APBB2: variants seen among roughly 807,000 people sequenced by gnomAD.
APBB2 encodes amyloid beta precursor protein binding family B member 2, also known as Fe65-like 1.
In APBB2, 38 loss-of-function variants were observed where a neutral mutation model predicts 82.5. That is an observed-to-expected ratio of 0.46 (90% CI 0.36 to 0.60). APBB2 has a LOEUF of 0.60. Ranked by LOEUF, APBB2 falls within the 20% of genes least tolerant of loss-of-function variation. The probability of loss-of-function intolerance (pLI) is 0.00; values close to 1 mark genes in which losing one functional copy is unlikely to be tolerated. For missense variants in APBB2, 772 were observed against 972.3 expected (o/e 0.79, Z 2.74); for synonymous variants, 341 against 368.2 (o/e 0.93, Z 0.85).
chr4:40,815,730 TG>T lies in APBB2; in HGVS notation c.*361del, dbSNP rs1745415340. 3.4e-5 allele frequency: 7 copies of T among 207,138 alleles called. No homozygotes were observed. The East Asian group carries it at 7.1e-4, about 21-fold the overall frequency. 12.8% of individuals were successfully genotyped at this position (207,138 alleles called of 1,614,324 possible). A position where few individuals can be genotyped will look rare whatever the true frequency, so the allele number is the denominator to read the frequency against. On this transcript the variant is annotated 3_prime_UTR_variant, in exon 18 of 18. Transcript: ENST00000508593. ...GTGACAGGTCCAGCCAAGAAGACAG[TG>T]AAACTAACTCACGCATCATTCATTC...
intron 1 of APBB2, among the ~76,000 whole-genome samples, chr4:41,211,641 C>G (rs1779346745): frequency 6.6e-6 from 1 of 152,092 alleles, no homozygotes; most frequent in South Asian, 2.1e-4. Context: ...AGCCACCACA[C>G]CCGGCTAATT....
intron 1 of APBB2, among the ~76,000 whole-genome samples, chr4:41,164,228 C>T (rs1765904929): frequency 6.6e-6 from 1 of 152,186 alleles, no homozygotes; most frequent in Non-Finnish European, 1.5e-5. Flanking sequence ...CACAACCCGT[C>T]ACATGAGGTC....
intron 8 of APBB2, 96 bp from the exon 9 acceptor site, chr4:40,934,795 C>G (rs567846197): frequency 3.0e-5 from 28 of 918,044 alleles, no homozygotes; most frequent in Non-Finnish European, 4.3e-5. Flanking sequence ...CAGCAAGAGG[C>G]AGAGAGTGTA....
rs1342174133 is a variant in APBB2, at chr4:41,096,595, A to G, written c.-149+4044T>C. 3.3e-5 allele frequency among the ~76,000 whole-genome samples: 5 copies of G among 152,354 alleles called. No individual in the cohort carries two copies. The East Asian group carries it at 9.6e-4, about 29-fold the overall frequency. On this transcript the variant is annotated intron_variant, in intron 3 of 17. Transcript: ENST00000508593. ...TCAAAACCACTCTCTACATTTACCA[A>G]TTAAACATTTGTAATTTGTTTAACT...
chr4:41,208,729 A>G (rs116090880), intron 1 of APBB2, among the ~76,000 whole-genome samples: 1,941 of 152,292 alleles, frequency 0.013, 42 homozygotes, highest in African/African-American at 0.044. Context: ...GAACTGGTAA[A>G]CTTTGTTTAT....
chr4:40,968,062 A>G (rs1795088563), intron 6 of APBB2, among the ~76,000 whole-genome samples: 1 of 152,194 alleles, frequency 6.6e-6, no homozygotes, highest in Admixed American at 6.5e-5. Flanking sequence ...CCACACTAAC[A>G]TTTACTGAAG....
At position 40,832,810 on chromosome 4, in the gene APBB2, A is replaced by T. The variant is rs1752487581; in HGVS notation, c.1530-2233T>A. 6.6e-6 allele frequency among the ~76,000 whole-genome samples: 1 copy of T among 152,130 alleles called. No homozygotes were observed. The highest frequency in any genetic ancestry group is 6.5e-5 in the Admixed American group (1 of 15,276). The stretch of plus-strand genomic sequence containing the variant: ...AAGACGACTGTGCCTAACTCATCCC[A>T]GCGTCTAGTTCAGGCCTGGCGTATC... On this transcript the variant is annotated intron_variant, in intron 12 of 17. Transcript: ENST00000508593. This position sits in a 1 kb window ranked among gnomAD's most constrained non-coding sequence, Gnocchi z 4.8.
intron 6 of APBB2, among the ~76,000 whole-genome samples, chr4:40,992,368 G>GGA (rs1553899666): frequency 2.7e-5 from 4 of 145,994 alleles, no homozygotes; most frequent in African/African-American, 1.0e-4. Flanking sequence ...AGATGGGGGG[G>GGA]GGTCTTTCTA....
At chr4:41,194,219 G>C in intron 1 of APBB2, 2 of 152,204 alleles carry the variant, frequency 1.3e-5, no homozygotes, top group Non-Finnish European at 2.9e-5. Context: ...TTACTCCGGG[G>C]GCTGAGGCAG....
Position 40,860,982 on chromosome 4 carries a change from C to T in APBB2, c.1529+29382G>A, listed in dbSNP as rs115635783. 3.4e-3 allele frequency among the ~76,000 whole-genome samples: 517 copies of T among 152,240 alleles called. 4 individuals carry two copies. The highest frequency in any genetic ancestry group is 0.011 in the African/African-American group (469 of 41,522). On this transcript the variant is annotated intron_variant, in intron 12 of 17. Transcript: ENST00000508593. ...GTTCTCTGGCCCATCACTTTGCTTT[C>T]GAAGCATTAAGTAGTAATAAAATGT...
At chr4:41,116,341 C>A (rs1445233655) in intron 2 of APBB2, among the ~76,000 whole-genome samples, 1 of 152,120 alleles carries the variant, frequency 6.6e-6, no homozygotes, top group Non-Finnish European at 1.5e-5. Flanking sequence ...GGAGGGACAG[C>A]ATTAGGAGAA....
intron 1 of APBB2, among the ~76,000 whole-genome samples, chr4:41,188,521 C>A (rs955537213): frequency 2.0e-5 from 3 of 152,164 alleles, no homozygotes; most frequent in Admixed American, 2.0e-4. Context: ...CCCTTTTCTG[C>A]CATGTGAGGA....
At chr4:41,125,035 T>C (rs933717946) in intron 2 of APBB2, among the ~76,000 whole-genome samples, 3 of 152,238 alleles carry the variant, frequency 2.0e-5, no homozygotes, top group Non-Finnish European at 2.9e-5. Context: ...TGCCTACACT[T>C]TCCTTTTAAG....
chr4:40,835,475 C>T (rs180949644), intron 12 of APBB2, among the ~76,000 whole-genome samples: 1 of 152,268 alleles, frequency 6.6e-6, no homozygotes, highest in Admixed American at 6.5e-5. Context: ...CAGCAGACAG[C>T]TCAAAGAACA....
At chr4:41,012,018 G>A (rs537097578) in intron 6 of APBB2, among the ~76,000 whole-genome samples, 6 of 152,076 alleles carry the variant, frequency 3.9e-5, no homozygotes, top group South Asian at 2.1e-4. Flanking sequence ...ACATGCCACC[G>A]TCCACCATGC....
At chr4:40,878,319 C>T (rs368757831) in intron 12 of APBB2, among the ~76,000 whole-genome samples, 4 of 152,120 alleles carry the variant, frequency 2.6e-5, no homozygotes, top group African/African-American at 7.2e-5. Flanking sequence ...CCACCCTGGA[C>T]GACAGAGTGA....
chr4:41,159,526 A>G (rs1391447000), intron 1 of APBB2, among the ~76,000 whole-genome samples: 2 of 152,230 alleles, frequency 1.3e-5, no homozygotes, highest in African/African-American at 4.8e-5. Context: ...TAACTTGTCC[A>G]AAGAACTACA....
intron 6 of APBB2, among the ~76,000 whole-genome samples, chr4:40,974,089 T>C (rs1471004628): frequency 1.3e-5 from 2 of 152,074 alleles, no homozygotes; most frequent in Non-Finnish European, 2.9e-5. Context: ...CCTGACCTTG[T>C]GATCCACCCA....
At chr4:41,188,601 C>A (rs1009946023) in intron 1 of APBB2, among the ~76,000 whole-genome samples, 1 of 152,168 alleles carries the variant, frequency 6.6e-6, no homozygotes, top group Admixed American at 6.5e-5. Flanking sequence ...TCATCTCGAA[C>A]GTTTTCCAGC....
Sources: gnomAD v4.1 joint callset for allele counts (sites outside exome capture counted in the v4.1 genomes callset) on GRCh38, gnomAD v4.1.1 for gene constraint, Gnocchi (gnomAD v3.1) non-coding constraint, MANE v1.5 for transcripts, NCBI Gene and HGNC (gene_info 2026-07-23, HGNC 2026-07-21) for gene names.